Variants in PARP4 observed in about 807,000 individuals in gnomAD.
The protein encoded by PARP4 is poly(ADP-ribose) polymerase family member 4.
PARP4 carries 120 observed loss-of-function variants against 187.7 expected under a neutral mutation model. The observed-to-expected ratio is 0.64, with a 90% CI of 0.55 to 0.74. The LOEUF is 0.74. Among genes scored for constraint, PARP4 ranks in the 30% least tolerant of loss-of-function variants. PARP4 has a pLI of 0.00. For synonymous variants in PARP4, 654 were observed against 740.9 expected, an observed-to-expected ratio of 0.88 and a Z score of 1.90; for missense variants, 1,836 against 2,070.5, an observed-to-expected ratio of 0.89 and a Z score of 2.20.
intron 15 of PARP4, among the ~76,000 whole-genome samples, chr13:24,474,016 T>G (rs9553311): frequency 0.51 from 77,325 of 151,912 alleles, 19,999 homozygotes; most frequent in South Asian, 0.65. Flanking sequence ...AAGTCCAACT[T>G]GGGTCTCCTC....
intron 2 of PARP4, among the ~76,000 whole-genome samples, chr13:24,502,880 C>T (rs1366920260): frequency 6.6e-6 from 1 of 152,158 alleles, no homozygotes; most frequent in Non-Finnish European, 1.5e-5. Context: ...GAGTTGAACA[C>T]GCTTCACAGA....
At chr13:24,454,560 T>C (rs1565998446) in intron 22 of PARP4, among the ~76,000 whole-genome samples, 1 of 152,198 alleles carries the variant, frequency 6.6e-6, no homozygotes, top group Admixed American at 6.5e-5. Flanking sequence ...ATAGATTTTC[T>C]ATGACTGCGC....
intron 12 of PARP4, among the ~76,000 whole-genome samples, chr13:24,483,755 T>A (rs934184786): frequency 6.6e-6 from 1 of 152,054 alleles, no homozygotes; most frequent in Non-Finnish European, 1.5e-5. Flanking sequence ...CCCTCTTGAG[T>A]AGCTGGGACT....
chr13:24,429,864 G>C (rs1870247339), intron 32 of PARP4, among the ~76,000 whole-genome samples: 1 of 152,112 alleles, frequency 6.6e-6, no homozygotes, highest in Non-Finnish European at 1.5e-5. Flanking sequence ...CAGCCACTTT[G>C]GCAACCTTAA....
chr13:24,467,491 T>C (rs1872532008), intron 17 of PARP4, among the ~76,000 whole-genome samples: 3 of 152,086 alleles, frequency 2.0e-5, no homozygotes, highest in South Asian at 4.1e-4. Flanking sequence ...GGTTGGTGTG[T>C]AGTGGTATTA....
At chr13:24,435,916 CAAAAAAAAAAAA>C (rs56254149) in intron 30 of PARP4, among the ~76,000 whole-genome samples, 1 of 87,932 alleles carries the variant, frequency 1.1e-5, no homozygotes, top group Admixed American at 1.1e-4. Context: ...TATTCTGTCT[CAAAAAAAAAAAA>C]AAAAAAAAGA....
At chr13:24,505,905 G>C (rs1220874986) in intron 1 of PARP4, among the ~76,000 whole-genome samples, 1 of 152,214 alleles carries the variant, frequency 6.6e-6, no homozygotes, top group Non-Finnish European at 1.5e-5. Flanking sequence ...CTCTGCCGCG[G>C]CCCACGCGTC....
At chr13:24,476,705 T>A (rs560734106) in intron 14 of PARP4, among the ~76,000 whole-genome samples, 2 of 152,210 alleles carry the variant, frequency 1.3e-5, no homozygotes, top group Non-Finnish European at 2.9e-5. Context: ...AAAAATAATT[T>A]GAGCATGGTC....
At chr13:24,442,798 A>G in intron 28 of PARP4, 113 bp from the exon 29 acceptor site, 2 of 610,052 alleles carry the variant, frequency 3.3e-6, no homozygotes, top group Non-Finnish European at 6.0e-6. Context: ...GGTCCCATCT[A>G]AATCGGTGGC....
chr13:24,461,361 G>C (rs1252635306), intron 17 of PARP4, among the ~76,000 whole-genome samples: 1 of 152,200 alleles, frequency 6.6e-6, no homozygotes, highest in Non-Finnish European at 1.5e-5. Flanking sequence ...AATAGAGTGG[G>C]ATTGCAGTTC....
At chr13:24,440,275 G>A (rs1870853237) in intron 30 of PARP4, among the ~76,000 whole-genome samples, 2 of 151,868 alleles carry the variant, frequency 1.3e-5, no homozygotes, top group South Asian at 4.2e-4. Flanking sequence ...GCGCGTACCT[G>A]TAATCTCAGC....
chr13:24,458,828 T>TA (rs1385939345), intron 20 of PARP4, among the ~76,000 whole-genome samples: 3 of 152,122 alleles, frequency 2.0e-5, no homozygotes, highest in Admixed American at 1.3e-4. Context: ...AATTAATATT[T>TA]AAAAATTGGA....
chr13:24,434,336 C>A, intron 31 of PARP4, 59 bp downstream of exon 31: 1 of 1,484,814 alleles, frequency 6.7e-7, no homozygotes, highest in Non-Finnish European at 9.0e-7. Context: ...CTTTGAGGAG[C>A]CCCGTTCTAA....
intron 33 of PARP4, 57 bp from the exon 34 acceptor site, chr13:24,421,371 G>A: frequency 1.6e-6 from 1 of 632,136 alleles, no homozygotes; most frequent in Non-Finnish European, 2.8e-6. Context: ...ATGTAATGTG[G>A]TACTAAACCC....
At position 24,423,380 on chromosome 13, in the gene PARP4, C is replaced by T. The variant is rs185833734; in HGVS notation, c.4980-2066G>A. Among the ~76,000 whole-genome samples, 41 of 151,932 alleles carry T rather than the reference C, an allele frequency of 2.7e-4. No individual in the cohort carries two copies. In the East Asian group the frequency reaches 7.3e-3, roughly 27 times the overall value. ...ACATGGCGAAACCTCATCTCTACCA[C>T]AAATATAAAAATTAGCTGTGCACAC... On this transcript the variant is annotated intron_variant, in intron 33 of 33. Transcript: ENST00000381989.
rs781020178 is a variant in PARP4, at chr13:24,452,428, T to C, written c.2992A>G (p.Arg998Gly). 5.0e-6 allele frequency: 8 copies of C among 1,613,592 alleles called. No individual in the cohort carries two copies. The highest frequency in any genetic ancestry group is 1.3e-5 in the African/African-American group (1 of 75,034). ...CACCCGATACCGCAGGCGAATAACC[T>C]GGTGTGCGGGCGGCTCCTCTTCACG... ...QLVKRSRPHT[R>G]LFACGIGSTA... is the part of the protein sequence containing the mutation. Residue 998 changes from arginine (R) to glycine (G), a missense_variant, in exon 24 of 34, where the codon AGG (arginine) becomes GGG (glycine). Transcript: ENST00000381989.
intron 27 of PARP4, among the ~76,000 whole-genome samples, chr13:24,445,494 T>G (rs1410675184): frequency 6.6e-6 from 1 of 151,980 alleles, no homozygotes; most frequent in East Asian, 1.9e-4. Context: ...GAAACCTGCA[T>G]TAAAAACCCC....
At chr13:24,462,081 C>A (rs145793072) in intron 17 of PARP4, among the ~76,000 whole-genome samples, 23 of 152,278 alleles carry the variant, frequency 1.5e-4, no homozygotes, top group Middle Eastern at 3.4e-3. Flanking sequence ...TAGTTCCCAT[C>A]CTAAGGTCCA....
In PARP4 at chr13:24,434,864, G is replaced by A. The variant is rs1322506865; in HGVS notation, c.4277C>T (p.Ala1426Val). Residue 1426 changes from alanine to valine, a missense_variant, in exon 31 of 34, where the codon GCT (alanine) becomes GTT (valine). Physicochemically the swap from Ala to Val is moderately conservative, Grantham distance 64 (BLOSUM62 0). Transcript: ENST00000381989. ...HPGGFTTRPS[A>V]GTFPELDSPQ... Reference sequence around the variant, plus strand: ...AGAATCCAGCTCAGGGAAGGTGCCAGCAGAAGGCCTGGTAGTAAAGCCTCC... The same window carrying A: ...AGAATCCAGCTCAGGGAAGGTGCCAACAGAAGGCCTGGTAGTAAAGCCTCC... 3 of 1,614,150 alleles carry A rather than the reference G, an allele frequency of 1.9e-6. No individual in the cohort carries two copies. The highest frequency in any genetic ancestry group is 2.5e-6 in the Non-Finnish European group (3 of 1,180,028).
Sources: gnomAD v4.1 joint callset for allele counts (sites outside exome capture counted in the v4.1 genomes callset) on GRCh38, gnomAD v4.1.1 for gene constraint, MANE v1.5 for transcripts, NCBI Gene and HGNC (gene_info 2026-07-23, HGNC 2026-07-21) for gene names.